Variants in TRAP1 observed in about 807,000 individuals in gnomAD.
TRAP1 encodes TNF receptor associated protein 1.
In TRAP1, 102 loss-of-function variants were observed where a neutral mutation model predicts 89.1. The observed-to-expected ratio is 1.15, with a 90% CI of 0.98 to 1.35. TRAP1 has a LOEUF of 1.35. Among genes scored for constraint, TRAP1 ranks in the 40% most tolerant of loss-of-function variants. The pLI is 0.00. For missense variants in TRAP1, 1,256 were observed against 945.3 expected (o/e 1.33, Z -4.31); for synonymous variants, 508 against 388.0 (o/e 1.31, Z -3.64).
In TRAP1 at chr16:3,679,744, C is replaced by T; in HGVS notation, c.518G>A (p.Gly173Glu). Residue 173 changes from glycine (G) to glutamate (E), a missense_variant, in exon 5 of 18, where the codon GGG (glycine) becomes GAG (glutamate). Gly to Glu is a moderately conservative substitution (Grantham distance 98). Transcript: ENST00000246957. Reference protein sequence around the residue: ...MTQEELVSNLGTIARSGSKAF... With the variant: ...MTQEELVSNLETIARSGSKAF... ...CTTTGACCCCGATCTGGCAATCGTCCCCAGGTTGGACACCAGCTCTTCCTG... is the reference window on the plus strand; with the variant it reads ...CTTTGACCCCGATCTGGCAATCGTCTCCAGGTTGGACACCAGCTCTTCCTG... The T allele has an allele frequency of 2.5e-6, 4 of 1,614,102 alleles. No individual in the cohort carries two copies. Among genetic ancestry groups the T allele is most frequent in the Non-Finnish European group, 3.4e-6 (4 of 1,180,010 alleles).
chr16:3,713,618 G>A (rs2051560388), intron 1 of TRAP1, among the ~76,000 whole-genome samples: 1 of 152,242 alleles, frequency 6.6e-6, no homozygotes, highest in African/African-American at 2.4e-5. Flanking sequence ...CATCTGGCAT[G>A]ACCAGGAGAC....
Position 3,703,761 on chromosome 16 carries a change from A to T in TRAP1, c.89-12776T>A, listed in dbSNP as rs138568870. 7.7e-3 allele frequency among the ~76,000 whole-genome samples: 1,179 copies of T among 152,158 alleles called. 33 individuals are homozygous for T. Among genetic ancestry groups the T allele is most frequent in the African/African-American group, 0.026 (1,085 of 41,384 alleles). On this transcript the variant is annotated intron_variant, in intron 1 of 17. Transcript: ENST00000246957. ...CTGGGCGCGGTGGCTTACGCCTGTA[A>T]TCCCAGCACTTTGGGAGGCCGAGGC...
intron 16 of TRAP1, chr16:3,660,780 T>C (rs1270241540): frequency 6.6e-6 from 1 of 152,102 alleles, no homozygotes; most frequent in African/African-American, 2.4e-5. Flanking sequence ...AAAAACTGGC[T>C]GGGGGTGGTA....
At chr16:3,669,832 C>CAAAAAAAAA (rs59256364) in intron 11 of TRAP1, among the ~76,000 whole-genome samples, 2 of 66,164 alleles carry the variant, frequency 3.0e-5, no homozygotes, top group Non-Finnish European at 6.9e-5. Context: ...GACTCCGTCT[C>CAAAAAAAAA]AAAAAAAAAA....
intron 11 of TRAP1, among the ~76,000 whole-genome samples, chr16:3,670,241 G>C (rs1251321946): frequency 6.6e-6 from 1 of 151,548 alleles, no homozygotes; most frequent in African/African-American, 2.4e-5. Context: ...AATCAGCCGG[G>C]CATGGTGGCA....
At chr16:3,683,214 G>C (rs1021054027) in intron 4 of TRAP1, among the ~76,000 whole-genome samples, 1 of 151,882 alleles carries the variant, frequency 6.6e-6, no homozygotes, top group African/African-American at 2.4e-5. Context: ...GAAAGTCTGA[G>C]AAACTGTCAC....
intron 1 of TRAP1, among the ~76,000 whole-genome samples, chr16:3,698,679 G>C (rs148509693): frequency 6.6e-6 from 1 of 151,896 alleles, no homozygotes. Context: ...GGCCAAGGCC[G>C]GGGGGTCGCT....
At chr16:3,712,360 C>T (rs1303687222) in intron 1 of TRAP1, among the ~76,000 whole-genome samples, 1 of 143,318 alleles carries the variant, frequency 7.0e-6, no homozygotes. Context: ...TCACAGGCCT[C>T]AGTAACAGCC....
chr16:3,687,289 G>GGGACTTGTTCCTCCTTGC (rs2051150609), intron 3 of TRAP1: 1 of 152,122 alleles, frequency 6.6e-6, no homozygotes, highest in South Asian at 2.1e-4. Flanking sequence ...CATGTAAGAC[G>GGGACTTGTTCCTCCTTGC]GGACTTGTTC....
chr16:3,712,374 T>G (rs1410707159), intron 1 of TRAP1, among the ~76,000 whole-genome samples: 4 of 150,420 alleles, frequency 2.7e-5, no homozygotes, highest in Admixed American at 2.7e-4. Context: ...AACAGCCTCT[T>G]TCATGGAACT....
chr16:3,680,786 A>C (rs2051064281), intron 4 of TRAP1, among the ~76,000 whole-genome samples: 1 of 152,190 alleles, frequency 6.6e-6, no homozygotes, highest in Non-Finnish European at 1.5e-5. Context: ...GGCCCTTAGA[A>C]AACAGGCTTG....
intron 1 of TRAP1, among the ~76,000 whole-genome samples, chr16:3,707,576 G>A (rs558542533): frequency 1.1e-3 from 167 of 151,764 alleles, no homozygotes; most frequent in Non-Finnish European, 1.7e-3. Flanking sequence ...ACAAACACCC[G>A]GGTGAGGTGG....
rs369973829 is a variant in TRAP1 at position 3,676,177 on chromosome 16, G to A, written c.705-32C>T. 3.8e-6 allele frequency: 6 copies of A among 1,596,126 alleles called. No homozygotes were observed. The African/African-American group carries it at 8.0e-5, about 21-fold the overall frequency. On this transcript the variant is annotated intron_variant, in intron 6 of 17. Transcript: ENST00000246957. ...CAGGCAAAGAAAGGAAAAGCCAGGT[G>A]GATGTGACACTGGGACATACCCTGC...
At chr16:3,688,010 C>A (rs1403984438) in intron 3 of TRAP1, among the ~76,000 whole-genome samples, 1 of 152,126 alleles carries the variant, frequency 6.6e-6, no homozygotes, top group African/African-American at 2.4e-5. Context: ...CAGTACGAAA[C>A]CCGGAAACAG....
Position 3,675,306 on chromosome 16 carries a change from G to A in TRAP1, c.888+18C>T. 1.2e-6 allele frequency: 2 copies of A among 1,611,954 alleles called. No homozygotes were observed. On this transcript the variant is annotated intron_variant, in intron 8 of 17. Coordinates refer to ENST00000246957, the MANE Select transcript of TRAP1 (RefSeq NM_016292.3). ...TGTCTCCATGTTTGACCAGTCCCTA[G>A]AGGAACTCAGGGCTCACCTGCAAGG...
intron 1 of TRAP1, among the ~76,000 whole-genome samples, chr16:3,695,602 C>G (rs1330011903): frequency 1.3e-5 from 2 of 150,774 alleles, no homozygotes; most frequent in Non-Finnish European, 3.0e-5. Context: ...ACAGGGCGCA[C>G]ATGAACACAA....
intron 1 of TRAP1, among the ~76,000 whole-genome samples, chr16:3,708,515 T>C (rs986347398): frequency 5.3e-5 from 8 of 151,810 alleles, no homozygotes; most frequent in Admixed American, 6.6e-5. Context: ...CGGGTGCCTG[T>C]AGTCCCAGCT....
At position 3,686,146 on chromosome 16, in the gene TRAP1, T is replaced by A; in HGVS notation, c.331-10A>T. 1.9e-6 allele frequency: 3 copies of A among 1,613,242 alleles called. No individual in the cohort carries two copies. The highest frequency in any genetic ancestry group is 2.5e-6 in the Non-Finnish European group (3 of 1,179,402). On this transcript the variant is annotated splice_polypyrimidine_tract_variant and intron_variant, in intron 3 of 17. Coordinates refer to ENST00000246957, the MANE Select transcript of TRAP1 (RefSeq NM_016292.3). ...GCTCCCGTATAAACACCTACAGGAATAGAAATGGGAGGCACAGACAATGAA... is the reference window on the plus strand; with the variant it reads ...GCTCCCGTATAAACACCTACAGGAAAAGAAATGGGAGGCACAGACAATGAA...
intron 3 of TRAP1, 21 bp downstream of exon 3, chr16:3,689,034 C>A: frequency 1.3e-6 from 2 of 1,587,284 alleles, no homozygotes; most frequent in Non-Finnish European, 1.7e-6. Flanking sequence ...TAGCATCGGG[C>A]ATGGTTAGCA....
Sources: gnomAD v4.1 joint callset for allele counts (sites outside exome capture counted in the v4.1 genomes callset) on GRCh38, gnomAD v4.1.1 for gene constraint, MANE v1.5 for transcripts, NCBI Gene and HGNC (gene_info 2026-07-23, HGNC 2026-07-21) for gene names.